CYTH1: variants seen among roughly 807,000 people sequenced by gnomAD.
CYTH1 encodes the protein cytohesin-1.
Under a neutral mutation model 61.8 loss-of-function variants are expected in CYTH1, and 18 were observed. The observed-to-expected ratio is 0.29, with a 90% confidence interval of 0.20 to 0.43. CYTH1 has a LOEUF of 0.43. Among genes scored for constraint, CYTH1 ranks in the 20% least tolerant of loss-of-function variants. The pLI, the probability that CYTH1 is intolerant of heterozygous loss-of-function variation, is 1.00. For synonymous variants in CYTH1, 174 were observed against 184.3 expected, an observed-to-expected ratio of 0.94 and a Z score of 0.45; for missense variants, 336 against 510.5, an observed-to-expected ratio of 0.66 and a Z score of 3.29.
chr17:78,703,065 C>T (rs1445144277), intron 3 of CYTH1, among the ~76,000 whole-genome samples: 3 of 151,028 alleles, frequency 2.0e-5, no homozygotes. Flanking sequence ...GGATTACAGG[C>T]ATAAGCCACT....
At chr17:78,689,665 G>A (rs578217678) in intron 11 of CYTH1, among the ~76,000 whole-genome samples, 1 of 152,238 alleles carries the variant, frequency 6.6e-6, no homozygotes, top group Non-Finnish European at 1.5e-5. Flanking sequence ...CTGTATTTGG[G>A]GATGGATATC....
intron 11 of CYTH1, among the ~76,000 whole-genome samples, chr17:78,689,114 G>A (rs971679481): frequency 1.1e-4 from 17 of 152,152 alleles, no homozygotes; most frequent in African/African-American, 3.4e-4. Flanking sequence ...GGCAGGCCAT[G>A]CACGGACTGA....
intron 7 of CYTH1, among the ~76,000 whole-genome samples, chr17:78,699,413 G>A (rs2092984442): frequency 6.6e-6 from 1 of 151,774 alleles, no homozygotes; most frequent in South Asian, 2.1e-4. Context: ...GAATCCACAT[G>A]TACGGGTACA....
chr17:78,756,464 T>C (rs577850922), intron 1 of CYTH1, among the ~76,000 whole-genome samples: 1 of 152,182 alleles, frequency 6.6e-6, no homozygotes, highest in Admixed American at 6.5e-5. Flanking sequence ...ACCTGAAAAG[T>C]CTGCAGCAAA....
At chr17:78,774,055 G>A (rs1370040663) in intron 1 of CYTH1, among the ~76,000 whole-genome samples, 2 of 150,722 alleles carry the variant, frequency 1.3e-5, no homozygotes, top group African/African-American at 2.5e-5. Flanking sequence ...TTGTTTGCTT[G>A]TTTGTTTTAA....
intron 1 of CYTH1, among the ~76,000 whole-genome samples, chr17:78,749,457 C>T (rs8078804): frequency 0.05 from 7,533 of 151,828 alleles, 641 homozygotes; most frequent in African/African-American, 0.17. Context: ...GAGACTCCAT[C>T]CCCCCTACAA....
chr17:78,723,467 C>A (rs1335914779), intron 1 of CYTH1: 1 of 152,532 alleles, frequency 6.6e-6, no homozygotes, highest in Non-Finnish European at 1.5e-5. Context: ...AGAGCACCGG[C>A]CCTGCAGGTG....
intron 1 of CYTH1, among the ~76,000 whole-genome samples, chr17:78,776,954 T>C (rs142665846): frequency 6.6e-6 from 1 of 151,014 alleles, no homozygotes; most frequent in Non-Finnish European, 1.5e-5. Context: ...GGAGAAACCC[T>C]GTCTCCAGTA....
At chr17:78,777,548 C>T (rs921984853) in intron 1 of CYTH1, among the ~76,000 whole-genome samples, 3 of 152,098 alleles carry the variant, frequency 2.0e-5, no homozygotes, top group Admixed American at 6.5e-5. Context: ...ACTGAGAAAG[C>T]CTTTTTGTTG....
At position 78,701,808 on chromosome 17, in the gene CYTH1, G is replaced by GA; in HGVS notation, c.357-58dup. Reference sequence around the variant, plus strand: ...AGCAGGAGTCAGGCACCAACACTGAGAATCTCCAGCCAGGCCATGTCTCCT... The same window carrying GA: ...AGCAGGAGTCAGGCACCAACACTGAGAAATCTCCAGCCAGGCCATGTCTCCT... On this transcript the variant is annotated intron_variant, in intron 5 of 13. Transcript: ENST00000446868. 6 of 1,562,224 alleles carry GA rather than the reference G, an allele frequency of 3.8e-6. No homozygotes were observed. In the South Asian group the frequency reaches 4.5e-5, roughly 12 times the overall value.
At chr17:78,761,521 G>A (rs1031896571) in intron 1 of CYTH1, among the ~76,000 whole-genome samples, 3 of 152,114 alleles carry the variant, frequency 2.0e-5, no homozygotes, top group Non-Finnish European at 4.4e-5. Context: ...GGCGGATCAC[G>A]AGATCAGGAG....
intron 1 of CYTH1, among the ~76,000 whole-genome samples, chr17:78,741,911 G>T (rs1025718614): frequency 1.3e-5 from 2 of 152,192 alleles, no homozygotes; most frequent in African/African-American, 4.8e-5. Flanking sequence ...TGGGGGCCAG[G>T]TTTCCCACTG....
rs2093522112 is a variant in CYTH1 at position 78,782,233 on chromosome 17, G to A, written c.-10C>T. 3 of 1,315,024 alleles carry A rather than the reference G, an allele frequency of 2.3e-6. No individual in the cohort carries two copies. Among genetic ancestry groups the A allele is most frequent in the South Asian group, 3.4e-5 (2 of 58,760 alleles). 81.5% of individuals were successfully genotyped at this position (1,315,024 alleles called of 1,614,324 possible). Reference sequence around the variant, plus strand: ...TGTCGTCCTCCTCCATGGTGCGGGAGCCGGGCTCCGCGCTCCGGCTCGCCG... The same window carrying A: ...TGTCGTCCTCCTCCATGGTGCGGGAACCGGGCTCCGCGCTCCGGCTCGCCG... On this transcript the variant is annotated 5_prime_UTR_variant, in exon 1 of 14. Coordinates refer to ENST00000446868, the MANE Select transcript of CYTH1 (RefSeq NM_004762.6).
At chr17:78,694,529 C>T (rs1272345448) in intron 10 of CYTH1, among the ~76,000 whole-genome samples, 1 of 152,128 alleles carries the variant, frequency 6.6e-6, no homozygotes, top group Non-Finnish European at 1.5e-5. Flanking sequence ...GGATTGAAGC[C>T]AATTTGTTCT....
chr17:78,759,169 G>T (rs1008038381), intron 1 of CYTH1, among the ~76,000 whole-genome samples: 6 of 152,072 alleles, frequency 3.9e-5, no homozygotes, highest in Admixed American at 3.9e-4. Flanking sequence ...AAGTAAGAAG[G>T]GCACAATTGT....
Position 78,737,874 on chromosome 17 carries a change from TACACACAC to T in CYTH1, c.23-28150_23-28143del, listed in dbSNP as rs10660165. ...ATATATTCTCTCTCTCTTCTATAGA[TACACACAC>T]ACACACACACACACACACGATATTT... On this transcript the variant is annotated intron_variant, in intron 1 of 13. Coordinates refer to ENST00000446868, the MANE Select transcript of CYTH1 (RefSeq NM_004762.6). Among the ~76,000 whole-genome samples, 1,141 of 150,070 alleles carry T rather than the reference TACACACAC, an allele frequency of 7.6e-3. 37 individuals are homozygous for T. The East Asian group carries it at 0.11, about 15-fold the overall frequency.
chr17:78,768,288 G>C (rs988650305), intron 1 of CYTH1, among the ~76,000 whole-genome samples: 1 of 152,014 alleles, frequency 6.6e-6, no homozygotes, highest in Non-Finnish European at 1.5e-5. Context: ...TTCAGTGGTG[G>C]TATTCCAAGA....
intron 10 of CYTH1, among the ~76,000 whole-genome samples, chr17:78,694,615 C>T (rs888423571): frequency 4.6e-5 from 7 of 152,134 alleles, no homozygotes; most frequent in Admixed American, 1.3e-4. Flanking sequence ...TGGTTGCCCA[C>T]GGAGGCTCGG....
At chr17:78,723,031 T>C (rs536079950) in intron 1 of CYTH1, among the ~76,000 whole-genome samples, 1 of 152,188 alleles carries the variant, frequency 6.6e-6, no homozygotes, top group African/African-American at 2.4e-5. Flanking sequence ...TATCCAAAAG[T>C]GTAGTGGAAA....
Sources: allele counts gnomAD v4.1 joint callset (sites outside exome capture counted in the v4.1 genomes callset), GRCh38; gene constraint gnomAD v4.1.1; transcripts MANE v1.5; gene names NCBI Gene and HGNC (gene_info 2026-07-23, HGNC 2026-07-21).